Variants in ANXA8 observed in about 807,000 individuals in gnomAD.
The protein encoded by ANXA8 is annexin A8.
In ANXA8, 9 loss-of-function variants were observed where a neutral mutation model predicts 26.8. That is an observed-to-expected ratio of 0.34 (90% confidence interval 0.20 to 0.59). ANXA8 has a LOEUF of 0.59. ANXA8 is among the 20% of genes least tolerant of loss of function. ANXA8 has a pLI of 0.84. For synonymous variants in ANXA8, 39 were observed against 94.8 expected (o/e 0.41, Z 3.42); for missense variants, 83 against 238.5 (o/e 0.35, Z 4.29).
the ANXA8 span, among the ~76,000 whole-genome samples, chr10:47,604,309 TATATC>T: frequency 7.6e-4 from 115 of 151,052 alleles, no homozygotes; most frequent in African/African-American, 2.7e-3. Flanking sequence ...TCATAACATA[TATATC>T]ATATATCATA....
At chr10:47,937,113 G>A in the ANXA8 span, among the ~76,000 whole-genome samples, 7 of 149,700 alleles carry the variant, frequency 4.7e-5, 1 homozygote, top group African/African-American at 1.2e-4. Flanking sequence ...TCCTCTCGCC[G>A]CCCAGATCAC....
At position 47,474,881 on chromosome 10, in the gene ANXA8, G is replaced by A. The variant is rs1251786375; in HGVS notation, c.552+64C>T. On this transcript the variant is annotated intron_variant, in intron 7 of 11. Coordinates refer to ENST00000585281, the MANE Select transcript of ANXA8 (RefSeq NM_001040084.3). The stretch of plus-strand genomic sequence containing the variant: ...CCAGTGTCAGAGAAAGCCCCCGTGG[G>A]CAGAGGAGCCGGAGTCCAGATGGCA... 2.6e-6 allele frequency: 4 copies of A among 1,520,238 alleles called. No individual in the cohort carries two copies. The African/African-American group carries it at 4.3e-5, about 16-fold the overall frequency. 94.2% of individuals were successfully genotyped at this position (1,520,238 alleles called of 1,614,324 possible).
At chr10:47,603,406 C>A in the ANXA8 span, among the ~76,000 whole-genome samples, 1 of 149,828 alleles carries the variant, frequency 6.7e-6, no homozygotes, top group Non-Finnish European at 1.5e-5. Context: ...AACAGATAAC[C>A]GATTTTAATT....
the ANXA8 span, among the ~76,000 whole-genome samples, chr10:47,976,543 TTACACAC>T: frequency 0.023 from 1,776 of 75,992 alleles, no homozygotes; most frequent in Non-Finnish European, 0.035. Flanking sequence ...ACCTCTGTCT[TTACACAC>T]ACACACACAC....
At chr10:47,620,729 A>G in the ANXA8 span, among the ~76,000 whole-genome samples, 1 of 108,710 alleles carries the variant, frequency 9.2e-6, no homozygotes, top group South Asian at 3.1e-4. Flanking sequence ...AACATGTATT[A>G]TTTATTATCC....
chr10:47,666,997 T>TCTTTCAAATTTCCCATTTC, the ANXA8 span, among the ~76,000 whole-genome samples: 17 of 152,070 alleles, frequency 1.1e-4, no homozygotes, highest in Non-Finnish European at 1.6e-4. Context: ...TTTCCCATTT[T>TCTTTCAAATTTCCCATTTC]CTTTCAAATT....
chr10:47,558,996 T>C, the ANXA8 span, among the ~76,000 whole-genome samples: 12 of 151,722 alleles, frequency 7.9e-5, 1 homozygote, highest in Non-Finnish European at 1.5e-4. Flanking sequence ...TATATTTGAA[T>C]GGGAATGGGC....
the ANXA8 span, among the ~76,000 whole-genome samples, chr10:47,895,794 CGG>C: frequency 6.7e-6 from 1 of 149,822 alleles, no homozygotes; most frequent in Non-Finnish European, 1.5e-5. Flanking sequence ...TATGGGGTGG[CGG>C]TGAGATGGAC....
chr10:47,989,848 G>A, the ANXA8 span, among the ~76,000 whole-genome samples: 1 of 72,080 alleles, frequency 1.4e-5, no homozygotes, highest in African/African-American at 4.1e-5. Context: ...GGCCCTGCCT[G>A]CAGACAGATC....
At chr10:47,673,792 T>C in the ANXA8 span, among the ~76,000 whole-genome samples, 106 of 151,494 alleles carry the variant, frequency 7.0e-4, 2 homozygotes, top group African/African-American at 2.5e-3. Flanking sequence ...ATTTATTTAT[T>C]TTTTTAGTTT....
chr10:47,698,158 A>T, the ANXA8 span, among the ~76,000 whole-genome samples: 2 of 150,488 alleles, frequency 1.3e-5, no homozygotes, highest in Non-Finnish European at 1.5e-5. Flanking sequence ...ACTGAGAGGG[A>T]ACTGGTTTGT....
chr10:47,894,267 AAC>A, the ANXA8 span, among the ~76,000 whole-genome samples: 2 of 146,196 alleles, frequency 1.4e-5, no homozygotes, highest in Non-Finnish European at 1.5e-5. Context: ...CAGGGCAGGA[AAC>A]ACAGCCACCA....
the ANXA8 span, among the ~76,000 whole-genome samples, chr10:47,530,545 T>C: frequency 2.0e-5 from 3 of 149,620 alleles, no homozygotes; most frequent in Non-Finnish European, 1.5e-5. Flanking sequence ...TCACAAAAAT[T>C]AGCCGGGCGT....
the ANXA8 span, among the ~76,000 whole-genome samples, chr10:47,982,834 A>ATATATATATATATATATAT: frequency 1.1e-3 from 77 of 67,548 alleles, 1 homozygote; most frequent in South Asian, 2.0e-3. Context: ...ATATATATAT[A>ATATATATATATATATATAT]AAATTTGATA....
chr10:47,769,022 C>G, the ANXA8 span, among the ~76,000 whole-genome samples: 1 of 146,174 alleles, frequency 6.8e-6, no homozygotes, highest in Admixed American at 6.8e-5. Flanking sequence ...ATGAAAGAGC[C>G]GGTGTGTGAT....
At chr10:47,702,156 A>ATAT in the ANXA8 span, among the ~76,000 whole-genome samples, 1 of 149,300 alleles carries the variant, frequency 6.7e-6, no homozygotes, top group East Asian at 2.0e-4. Flanking sequence ...TTATAAACTG[A>ATAT]GGATTTTTAA....
At chr10:47,689,137 C>A in the ANXA8 span, among the ~76,000 whole-genome samples, 1 of 147,698 alleles carries the variant, frequency 6.8e-6, no homozygotes, top group African/African-American at 2.5e-5. Context: ...TACTAAAAAC[C>A]TATTAACTTG....
chr10:47,684,410 T>A, the ANXA8 span, among the ~76,000 whole-genome samples: 1 of 127,976 alleles, frequency 7.8e-6, no homozygotes, highest in African/African-American at 3.0e-5. Flanking sequence ...CACTTTCTAG[T>A]CAAGTTTTTT....
the ANXA8 span, among the ~76,000 whole-genome samples, chr10:47,968,396 C>G: frequency 4.8e-5 from 7 of 145,834 alleles, no homozygotes; most frequent in African/African-American, 1.7e-4. Context: ...TTTGAAGACT[C>G]ATTGTTGTAA....
Sources: gnomAD v4.1 joint callset for allele counts (sites outside exome capture counted in the v4.1 genomes callset) on GRCh38, gnomAD v4.1.1 for gene constraint, MANE v1.5 for transcripts, NCBI Gene and HGNC (gene_info 2026-07-23, HGNC 2026-07-21) for gene names.